The following INTS4 variants were observed in gnomAD, a reference collection of about 807,000 sequenced individuals.
INTS4 encodes integrator complex subunit 4, also known as MSTP093.
In INTS4, 70 loss-of-function variants were observed where a neutral mutation model predicts 119.5. The ratio of observed to expected loss-of-function variants is 0.59; its 90% CI spans 0.48 to 0.71. The LOEUF is 0.71. INTS4 is among the 30% of genes least tolerant of loss of function. INTS4 has a pLI of 0.00. For missense variants in INTS4, 867 were observed against 1,173.2 expected (o/e 0.74, Z 3.81); for synonymous variants, 316 against 419.6 (o/e 0.75, Z 3.02).
At chr11:77,955,005 G>C (rs1413957779) in intron 8 of INTS4, among the ~76,000 whole-genome samples, 1 of 152,160 alleles carries the variant, frequency 6.6e-6, no homozygotes, top group Non-Finnish European at 1.5e-5. Context: ...GTTCTAAAAG[G>C]CTATTTCTCT....
chr11:77,937,839 A>ATTTG (rs1371730203), intron 10 of INTS4, among the ~76,000 whole-genome samples: 2 of 149,766 alleles, frequency 1.3e-5, no homozygotes, highest in Admixed American at 1.3e-4. Context: ...TTATTTATTT[A>ATTTG]TTTATTTATT....
downstream of INTS4, among the ~76,000 whole-genome samples, chr11:77,876,329 C>T (rs893984295): frequency 6.6e-6 from 1 of 151,896 alleles, no homozygotes; most frequent in African/African-American, 2.4e-5. Context: ...TCTGGGCCTG[C>T]GTATTCATTT....
At chr11:77,947,145 C>A (rs1279858715) in intron 8 of INTS4, among the ~76,000 whole-genome samples, 1 of 150,824 alleles carries the variant, frequency 6.6e-6, no homozygotes, top group Admixed American at 6.6e-5. Flanking sequence ...AAAAAGAAAG[C>A]CTTGGAACAT....
chr11:77,987,804 T>C (rs1424209484), intron 2 of INTS4: 4 of 350,428 alleles, frequency 1.1e-5, no homozygotes, highest in Non-Finnish European at 2.3e-5. Context: ...AGCCTGGGAG[T>C]CCAGACTTCA....
chr11:77,897,644 G>T (rs1046604769), intron 18 of INTS4, among the ~76,000 whole-genome samples: 15 of 150,124 alleles, frequency 1.0e-4, no homozygotes, highest in South Asian at 4.2e-4. Context: ...GGGATTACAG[G>T]CACCTGCCAC....
At chr11:77,889,350 A>AAC (rs1419188695) in intron 21 of INTS4, among the ~76,000 whole-genome samples, 1 of 147,812 alleles carries the variant, frequency 6.8e-6, no homozygotes, top group African/African-American at 2.5e-5. Context: ...GAACAATGAG[A>AAC]ACACATGGAC....
At chr11:77,968,497 G>A (rs186245606) in intron 4 of INTS4, among the ~76,000 whole-genome samples, 1 of 152,186 alleles carries the variant, frequency 6.6e-6, no homozygotes, top group South Asian at 2.1e-4. Flanking sequence ...AGGGGATGGG[G>A]ACATGGGGAG....
chr11:77,917,962 T>C (rs1234774543), intron 15 of INTS4: 1 of 668,738 alleles, frequency 1.5e-6, no homozygotes, highest in East Asian at 2.8e-5. Context: ...GTCAATGGAA[T>C]GCAAGTAAAA....
At chr11:77,877,756 T>C (rs537231235), downstream of INTS4, among the ~76,000 whole-genome samples, 80 of 152,144 alleles carry the variant, frequency 5.3e-4, no homozygotes, top group African/African-American at 1.9e-3. Context: ...GCAATTTTTT[T>C]TTTTTAAACA....
At chr11:77,965,209 G>A (rs1002168314) in intron 4 of INTS4, among the ~76,000 whole-genome samples, 2 of 152,046 alleles carry the variant, frequency 1.3e-5, no homozygotes, top group Non-Finnish European at 2.9e-5. Flanking sequence ...AAGCCACCAT[G>A]CCCAGCTACT....
At chr11:77,886,838 C>T (rs1952035388) in intron 21 of INTS4, among the ~76,000 whole-genome samples, 1 of 152,098 alleles carries the variant, frequency 6.6e-6, no homozygotes, top group South Asian at 2.1e-4. Context: ...CAACCTGCTC[C>T]TGAATGACTA....
chr11:77,909,214 T>C (rs1436746610), intron 15 of INTS4, among the ~76,000 whole-genome samples: 4 of 152,192 alleles, frequency 2.6e-5, no homozygotes, highest in Admixed American at 1.3e-4. Flanking sequence ...CAAAGAGAAA[T>C]AGAGAAACTA....
chr11:77,927,208 G>C (rs979872439), intron 11 of INTS4, among the ~76,000 whole-genome samples: 5 of 152,148 alleles, frequency 3.3e-5, no homozygotes, highest in Non-Finnish European at 7.4e-5. Flanking sequence ...AAAAGGAAAG[G>C]AGTGGCTAGG....
At chr11:77,992,832 G>A (rs764256286) in intron 1 of INTS4, among the ~76,000 whole-genome samples, 8 of 152,142 alleles carry the variant, frequency 5.3e-5, no homozygotes, top group Non-Finnish European at 7.3e-5. Context: ...TTTATTATAC[G>A]TATATGTAAG....
At chr11:77,967,848 AAG>A (rs1855563161) in intron 4 of INTS4, among the ~76,000 whole-genome samples, 1 of 152,224 alleles carries the variant, frequency 6.6e-6, no homozygotes, top group Non-Finnish European at 1.5e-5. Context: ...AGGAAAACAA[AAG>A]AGACATGAAA....
In INTS4 at chr11:77,933,788, G is replaced by A. The variant is rs1232299927; in HGVS notation, c.1165+4863C>T. Among the ~76,000 whole-genome samples the A allele has an allele frequency of 3.3e-5, 5 of 151,696 alleles. No individual in the cohort carries two copies. The East Asian group carries it at 9.8e-4, about 30-fold the overall frequency. ...CGTCTGGGAAGTGAGGAGCGTCTCC[G>A]CCCGGCAGCCGCCCCGTCCGGGAGG... On this transcript the variant is annotated intron_variant, in intron 10 of 22. Transcript: ENST00000534064.
chr11:77,876,866 G>A, downstream of INTS4: 1 of 643,842 alleles, frequency 1.6e-6, no homozygotes, highest in Non-Finnish European at 2.8e-6. Flanking sequence ...AAAAATATCA[G>A]CATATTCTTC....
intron 20 of INTS4, 60 bp from the exon 21 acceptor site, chr11:77,891,522 G>A (rs928976002): frequency 1.6e-5 from 25 of 1,597,030 alleles, no homozygotes; most frequent in East Asian, 4.5e-5. Context: ...ATGAGAAAAC[G>A]CATCTTTTTT....
intron 14 of INTS4, among the ~76,000 whole-genome samples, chr11:77,920,053 C>A (rs952356420): frequency 6.6e-6 from 1 of 151,918 alleles, no homozygotes; most frequent in Non-Finnish European, 1.5e-5. Context: ...AGATGATCCA[C>A]CCGCCTTGGC....
Sources: allele counts gnomAD v4.1 joint callset (sites outside exome capture counted in the v4.1 genomes callset), GRCh38; gene constraint gnomAD v4.1.1; transcripts MANE v1.5; gene names NCBI Gene and HGNC (gene_info 2026-07-23, HGNC 2026-07-21).